Variants in PCDH7 observed in about 807,000 individuals in gnomAD.
PCDH7 encodes protocadherin-7.
A neutral mutation model predicts 58.9 loss-of-function variants in PCDH7; 17 were observed. That is an observed-to-expected ratio of 0.29 (90% CI 0.20 to 0.43). PCDH7 has a LOEUF of 0.43. PCDH7 is among the 20% of genes least tolerant of loss of function. The probability of loss-of-function intolerance (pLI) is 1.00; values close to 1 mark genes in which losing one functional copy is unlikely to be tolerated. For synonymous variants in PCDH7, 664 were observed against 616.4 expected (o/e 1.08, Z -1.14); for missense variants, 1,274 against 1,441.0 (o/e 0.88, Z 1.88).
intron 1 of PCDH7, among the ~76,000 whole-genome samples, chr4:30,820,912 G>T (rs553305698): frequency 1.7e-4 from 26 of 152,110 alleles, no homozygotes; most frequent in African/African-American, 5.5e-4. Flanking sequence ...TTAAGTACAG[G>T]TTCTCACCTG....
chr4:30,743,228 G>A (rs1039582735), intron 1 of PCDH7, among the ~76,000 whole-genome samples: 3 of 152,116 alleles, frequency 2.0e-5, no homozygotes, highest in African/African-American at 7.2e-5. Flanking sequence ...ACCAAAAATA[G>A]CAGAGTTACA....
chr4:30,812,749 A>G (rs557781700), intron 1 of PCDH7, among the ~76,000 whole-genome samples: 5 of 152,334 alleles, frequency 3.3e-5, no homozygotes, highest in East Asian at 3.9e-4. Context: ...ATGGGAAAAC[A>G]TTATTCATCT....
At chr4:30,757,145 A>C (rs889505878) in intron 1 of PCDH7, among the ~76,000 whole-genome samples, 1 of 152,228 alleles carries the variant, frequency 6.6e-6, no homozygotes, top group Admixed American at 6.5e-5. Context: ...TTCAAATGAC[A>C]GTTGGTTTCT....
chr4:30,976,980 A>G (rs1433013861), intron 3 of PCDH7, among the ~76,000 whole-genome samples: 1 of 152,154 alleles, frequency 6.6e-6, no homozygotes, highest in Admixed American at 6.5e-5. Flanking sequence ...ATTTAAATCT[A>G]TGCTGTTTGT....
rs1560551946 is a variant in PCDH7 at position 30,981,249 on chromosome 4, A to ATTCCC, written c.*7+31036_*7+31037insCCCTT. 3.3e-5 allele frequency among the ~76,000 whole-genome samples: 5 copies of ATTCCC among 152,324 alleles called. No individual in the cohort carries two copies. In the South Asian group the frequency reaches 1.0e-3, roughly 32 times the overall value. ...TCTGTTTCCTTGTTATTTGTAGATT[A>ATTCCC]TTATTGATGCCATCATGAACTACAA... On this transcript the variant is annotated intron_variant, in intron 3 of 3. Transcript: ENST00000509759.
At chr4:30,845,726 A>G (rs1475252751) in intron 1 of PCDH7, among the ~76,000 whole-genome samples, 2 of 152,042 alleles carry the variant, frequency 1.3e-5, no homozygotes, top group Non-Finnish European at 2.9e-5. Flanking sequence ...TAGCCTCCCA[A>G]GTAGCTGAGA....
chr4:31,071,077 T>G (rs1758506627), intron 3 of PCDH7, among the ~76,000 whole-genome samples: 1 of 152,052 alleles, frequency 6.6e-6, no homozygotes, highest in South Asian at 2.1e-4. Flanking sequence ...TGCCCTTATT[T>G]GCTTTTAGAG....
chr4:30,970,694 C>T (rs1271284684), intron 3 of PCDH7, among the ~76,000 whole-genome samples: 1 of 151,982 alleles, frequency 6.6e-6, no homozygotes, highest in African/African-American at 2.4e-5. Context: ...GTTTTTATTA[C>T]TTCTAAGCAA....
At chr4:30,781,435 C>T (rs994607093) in intron 1 of PCDH7, among the ~76,000 whole-genome samples, 9 of 151,480 alleles carry the variant, frequency 5.9e-5, no homozygotes, top group African/African-American at 1.9e-4. Flanking sequence ...CCACCGCACC[C>T]GGCCCCAAGG....
At chr4:31,111,977 T>C (rs995870579) in intron 3 of PCDH7, among the ~76,000 whole-genome samples, 11 of 152,184 alleles carry the variant, frequency 7.2e-5, no homozygotes, top group African/African-American at 2.4e-4. Context: ...AATCAAAAAA[T>C]TGAATAAATT....
intron 2 of PCDH7, among the ~76,000 whole-genome samples, chr4:30,927,633 T>C (rs1258770665): frequency 2.6e-5 from 4 of 152,120 alleles, no homozygotes; most frequent in Non-Finnish European, 5.9e-5. Context: ...CAAGATGTGC[T>C]TTGTTAAACA....
chr4:30,744,647 A>G (rs567658282), intron 1 of PCDH7, among the ~76,000 whole-genome samples: 1 of 152,312 alleles, frequency 6.6e-6, no homozygotes, highest in Non-Finnish European at 1.5e-5. Context: ...GACACTTGGC[A>G]CTTGGCTCAC....
At chr4:31,133,320 T>C (rs1180016544) in intron 3 of PCDH7, among the ~76,000 whole-genome samples, 4 of 152,240 alleles carry the variant, frequency 2.6e-5, no homozygotes. Context: ...ACAGTACTTT[T>C]AGTTTTCAAC....
At chr4:30,996,614 G>T (rs1280809147) in intron 3 of PCDH7, among the ~76,000 whole-genome samples, 2 of 152,156 alleles carry the variant, frequency 1.3e-5, no homozygotes, top group Non-Finnish European at 2.9e-5. Flanking sequence ...AGAAACTGTA[G>T]AAATGTGGCA....
chr4:30,955,262 GA>G (rs1326998557), intron 3 of PCDH7, among the ~76,000 whole-genome samples: 1 of 151,884 alleles, frequency 6.6e-6, no homozygotes, highest in African/African-American at 2.4e-5. Flanking sequence ...TCAGAAGACA[GA>G]TGAGGGATTC....
At chr4:31,040,650 A>G (rs1755786279) in intron 3 of PCDH7, among the ~76,000 whole-genome samples, 2 of 152,306 alleles carry the variant, frequency 1.3e-5, no homozygotes, top group South Asian at 4.1e-4. Context: ...GCAAAAATTT[A>G]CTCATTCAGC....
intron 3 of PCDH7, among the ~76,000 whole-genome samples, chr4:30,982,370 A>T (rs937836158): frequency 1.3e-5 from 2 of 151,964 alleles, no homozygotes; most frequent in Non-Finnish European, 2.9e-5. Context: ...CTCACTTTCA[A>T]CTTCTCTCCC....
chr4:31,088,264 T>C (rs148827249), intron 3 of PCDH7, among the ~76,000 whole-genome samples: 1 of 152,174 alleles, frequency 6.6e-6, no homozygotes, highest in Non-Finnish European at 1.5e-5. Flanking sequence ...ATAATAGAAT[T>C]GCTTCTGTTT....
At chr4:30,872,282 A>G (rs1451962787) in intron 1 of PCDH7, among the ~76,000 whole-genome samples, 1 of 152,136 alleles carries the variant, frequency 6.6e-6, no homozygotes, top group Non-Finnish European at 1.5e-5. Context: ...AGGGATCAGA[A>G]AACTTTTTCT....
Sources: gnomAD v4.1 joint callset for allele counts (sites outside exome capture counted in the v4.1 genomes callset) on GRCh38, gnomAD v4.1.1 for gene constraint, MANE v1.5 for transcripts, NCBI Gene and HGNC (gene_info 2026-07-23, HGNC 2026-07-21) for gene names.